Variants in TOX2 observed in about 807,000 individuals in gnomAD.
TOX2 encodes granulosa cell HMG box 1.
In TOX2, 15 loss-of-function variants were observed where a neutral mutation model predicts 47.4. The ratio of observed to expected loss-of-function variants is 0.32; its 90% CI spans 0.21 to 0.49. The LOEUF is 0.49. Ranked by LOEUF, TOX2 falls within the 20% of genes least tolerant of loss-of-function variation. The pLI is 0.99. For synonymous variants in TOX2, 290 were observed against 296.6 expected (o/e 0.98, Z 0.23); for missense variants, 622 against 673.1 (o/e 0.92, Z 0.84).
chr20:43,968,749 G>A (rs948090844), intron 1 of TOX2, among the ~76,000 whole-genome samples: 42 of 152,206 alleles, frequency 2.8e-4, no homozygotes, highest in African/African-American at 1.0e-3. Flanking sequence ...ATGGGAAAAG[G>A]AATTATAATT....
intron 1 of TOX2, among the ~76,000 whole-genome samples, chr20:43,921,227 C>T (rs745844858): frequency 1.3e-5 from 2 of 152,232 alleles, no homozygotes; most frequent in Non-Finnish European, 2.9e-5. Flanking sequence ...GCATGAAGGA[C>T]AAGGTCCTGT....
intron 2 of TOX2, among the ~76,000 whole-genome samples, chr20:43,985,690 C>T (rs1484439531): frequency 6.6e-6 from 1 of 152,148 alleles, no homozygotes; most frequent in African/African-American, 2.4e-5. Flanking sequence ...TAAAATGGGA[C>T]AGGTACATAC....
At chr20:43,953,537 G>T (rs2069617127) in intron 1 of TOX2, among the ~76,000 whole-genome samples, 1 of 152,180 alleles carries the variant, frequency 6.6e-6, no homozygotes, top group South Asian at 2.1e-4. Context: ...GCTGATCCGG[G>T]TTGGTGTGTG....
At chr20:43,949,584 CA>C (rs1239360971) in intron 1 of TOX2, among the ~76,000 whole-genome samples, 2 of 152,212 alleles carry the variant, frequency 1.3e-5, no homozygotes, top group Non-Finnish European at 2.9e-5. Flanking sequence ...ACTGTCCTGC[CA>C]CCTCCTAAAT....
chr20:44,039,736 T>C (rs1373500940), intron 3 of TOX2, among the ~76,000 whole-genome samples: 2 of 152,072 alleles, frequency 1.3e-5, no homozygotes, highest in Non-Finnish European at 2.9e-5. Context: ...TGTCAAGTCT[T>C]CCAGGACGCA....
intron 3 of TOX2, among the ~76,000 whole-genome samples, chr20:44,017,824 G>C (rs1226245390): frequency 2.0e-5 from 3 of 152,150 alleles, no homozygotes; most frequent in Non-Finnish European, 4.4e-5. Context: ...TTATCAAAAT[G>C]ATGGTGCCAG....
chr20:43,968,466 G>C (rs184558855), intron 1 of TOX2, among the ~76,000 whole-genome samples: 5 of 152,266 alleles, frequency 3.3e-5, no homozygotes, highest in Non-Finnish European at 5.9e-5. Flanking sequence ...TTGGGGGCTG[G>C]CTGTTGGAAT....
chr20:43,934,167 G>GAGAGAGAGAGAGA (rs1325521677), intron 1 of TOX2, among the ~76,000 whole-genome samples: 1 of 149,764 alleles, frequency 6.7e-6, no homozygotes, highest in African/African-American at 2.5e-5. Context: ...GAGAGAGAGA[G>GAGAGAGAGAGAGA]ACCTGCCCTC....
rs537570695 is a variant in TOX2 at position 43,915,493 on chromosome 20, C to A, written c.99+503C>A. Among the ~76,000 whole-genome samples the A allele has an allele frequency of 3.5e-4, 53 of 152,280 alleles. No individual in the cohort carries two copies. Among genetic ancestry groups the A allele is most frequent in the Admixed American group, 3.3e-3 (50 of 15,296 alleles). On this transcript the variant is annotated intron_variant, in intron 1 of 8. Transcript: ENST00000341197. This position sits in a 1 kb window ranked among gnomAD's most constrained non-coding sequence, Gnocchi z 7.1. ...GGGGGACAGTCACACAAAGAAGTCG[C>A]CCGACAGTCACACTCTCGCAGCCAC...
chr20:43,968,548 T>G lies in TOX2; in HGVS notation c.100-4819T>G, dbSNP rs76759361. ...AGAGGTAGGGGAGAGACAGATGCCTTAGAAGCCCCTGTAAGCTGTGTCCCC... is the reference window on the plus strand; with the variant it reads ...AGAGGTAGGGGAGAGACAGATGCCTGAGAAGCCCCTGTAAGCTGTGTCCCC... On this transcript the variant is annotated intron_variant, in intron 1 of 8. Transcript: ENST00000341197. Among the ~76,000 whole-genome samples, 922 of 152,258 alleles carry G rather than the reference T, an allele frequency of 6.1e-3. 13 individuals are homozygous for G. The highest frequency in any genetic ancestry group is 0.021 in the African/African-American group (866 of 41,532).
intron 3 of TOX2, among the ~76,000 whole-genome samples, chr20:44,043,674 A>C (rs2071370123): frequency 6.6e-6 from 1 of 152,176 alleles, no homozygotes; most frequent in Non-Finnish European, 1.5e-5. Context: ...TATTATTTCC[A>C]GTTTTTTTGG....
intron 1 of TOX2, among the ~76,000 whole-genome samples, chr20:43,933,389 G>A (rs1478684466): frequency 2.0e-5 from 3 of 152,236 alleles, no homozygotes; most frequent in Non-Finnish European, 2.9e-5. Context: ...AGCTGAAACT[G>A]AAGAGCACCT....
chr20:44,006,395 G>T, intron 2 of TOX2, 152 bp from the exon 3 acceptor site: 1 of 1,262,506 alleles, frequency 7.9e-7, no homozygotes, highest in Non-Finnish European at 1.1e-6. Context: ...TTAGGGCACC[G>T]TCTTGACCCT....
chr20:44,024,354 G>A (rs2071025569), intron 3 of TOX2, among the ~76,000 whole-genome samples: 1 of 152,060 alleles, frequency 6.6e-6, no homozygotes, highest in African/African-American at 2.4e-5. Context: ...AGAGGACTAA[G>A]CATCAGAGTT....
chr20:43,942,458 G>A (rs1007173240), intron 1 of TOX2, among the ~76,000 whole-genome samples: 5 of 152,174 alleles, frequency 3.3e-5, no homozygotes, highest in African/African-American at 1.2e-4. Flanking sequence ...CGGGAGGATT[G>A]CTTTAGGACA....
chr20:43,931,366 C>A (rs2069250476), intron 1 of TOX2, among the ~76,000 whole-genome samples: 1 of 152,332 alleles, frequency 6.6e-6, no homozygotes, highest in South Asian at 2.1e-4. Flanking sequence ...AACTCCTGGG[C>A]TCAAGCGATC....
At chr20:44,016,500 C>T (rs748184791) in intron 3 of TOX2, among the ~76,000 whole-genome samples, 2 of 152,104 alleles carry the variant, frequency 1.3e-5, no homozygotes, top group Non-Finnish European at 2.9e-5. Context: ...GCACCACTGA[C>T]ATTTTGGGTG....
intron 3 of TOX2, among the ~76,000 whole-genome samples, chr20:44,037,837 A>G (rs115239807): frequency 0.033 from 4,989 of 152,260 alleles, 233 homozygotes; most frequent in African/African-American, 0.11. Context: ...TAACGGGGCG[A>G]TGCTACAAAG....
chr20:43,951,559 A>G (rs1233996696), intron 1 of TOX2, among the ~76,000 whole-genome samples: 1 of 152,050 alleles, frequency 6.6e-6, no homozygotes, highest in African/African-American at 2.4e-5. Flanking sequence ...CCTGGGCAAC[A>G]AGAATGAAAC....
Sources: allele counts gnomAD v4.1 joint callset (sites outside exome capture counted in the v4.1 genomes callset), GRCh38; gene constraint gnomAD v4.1.1; non-coding constraint Gnocchi (gnomAD v3.1); transcripts MANE v1.5; gene names NCBI Gene and HGNC (gene_info 2026-07-23, HGNC 2026-07-21).